TENM4: variants seen among roughly 807,000 people sequenced by gnomAD.
TENM4 encodes teneurin transmembrane protein 4.
A neutral mutation model predicts 243.3 loss-of-function variants in TENM4; 82 were observed. The observed-to-expected ratio is 0.34, with a 90% CI of 0.28 to 0.40. TENM4 has a LOEUF of 0.40. Among genes scored for constraint, TENM4 ranks in the 10% least tolerant of loss-of-function variants. The pLI, the probability that TENM4 is intolerant of heterozygous loss-of-function variation, is 1.00. For synonymous variants in TENM4, 1,412 were observed against 1,456.3 expected, an observed-to-expected ratio of 0.97 and a Z score of 0.69; for missense variants, 3,138 against 3,673.3, an observed-to-expected ratio of 0.85 and a Z score of 3.77.
chr11:78,660,070 C>A (rs528555244), intron 33 of TENM4, among the ~76,000 whole-genome samples: 4 of 152,276 alleles, frequency 2.6e-5, no homozygotes, highest in Admixed American at 2.6e-4. Flanking sequence ...AGTCAGAGAC[C>A]GGGGCTCTCT....
intron 6 of TENM4, among the ~76,000 whole-genome samples, chr11:79,060,904 G>A (rs1860068990): frequency 1.3e-5 from 2 of 152,184 alleles, no homozygotes; most frequent in South Asian, 2.1e-4. Flanking sequence ...GTGGAACTGA[G>A]CCCTGTTCTG....
In TENM4 at chr11:79,079,528, T is replaced by G. The variant is rs534112902; in HGVS notation, c.-65-9519A>C. ...TTCCCTTTGACAAATGGTGGCATCT[T>G]AGAGTCAGAAAATGTGTTAGGCTGG... On this transcript the variant is annotated intron_variant, in intron 4 of 33. Coordinates refer to ENST00000278550, the MANE Select transcript of TENM4 (RefSeq NM_001098816.3). Among the ~76,000 whole-genome samples the G allele has an allele frequency of 5.3e-5, 8 of 152,282 alleles. No individual in the cohort carries two copies. The South Asian group carries it at 1.7e-3, about 32-fold the overall frequency.
intron 7 of TENM4, among the ~76,000 whole-genome samples, chr11:78,895,107 G>A (rs1164173381): frequency 2.6e-5 from 4 of 151,876 alleles, no homozygotes; most frequent in Non-Finnish European, 1.5e-5. Flanking sequence ...ACTTTGGGAG[G>A]CCAAGGCAGG....
At chr11:78,763,416 C>A (rs1381120728) in intron 18 of TENM4, among the ~76,000 whole-genome samples, 1 of 152,174 alleles carries the variant, frequency 6.6e-6, no homozygotes, top group Non-Finnish European at 1.5e-5. Context: ...CATCTGGGGG[C>A]ACTCAATGAA....
Position 78,782,440 on chromosome 11 carries a change from C to A in TENM4, c.2366-3812G>T, listed in dbSNP as rs1856856615. Among the ~76,000 whole-genome samples, 7 of 151,548 alleles carry A rather than the reference C, an allele frequency of 4.6e-5. No homozygotes were observed. In the South Asian group the frequency reaches 1.5e-3, roughly 32 times the overall value. ...TGGAGAAACTCTGTCTCTACTAAAACTACAAAATTAGCCAGGTGTGGTGGC... is the reference window on the plus strand; with the variant it reads ...TGGAGAAACTCTGTCTCTACTAAAAATACAAAATTAGCCAGGTGTGGTGGC... On this transcript the variant is annotated intron_variant, in intron 16 of 33. Coordinates refer to ENST00000278550, the MANE Select transcript of TENM4 (RefSeq NM_001098816.3).
Position 78,676,337 on chromosome 11 carries a change from G to A in TENM4, c.5311C>T (p.Leu1771=). ...YIGADGSLRL[L]LANGMEVALQ... Reference sequence around the variant, plus strand: ...GCCACCTCCATGCCGTTGGCCAGCAGCAGCCGCAAGGAGCCATCGGCCCCG... The same window carrying A: ...GCCACCTCCATGCCGTTGGCCAGCAACAGCCGCAAGGAGCCATCGGCCCCG... Residue 1771 remains leucine, a synonymous_variant, in exon 30 of 34, where the codon CTG becomes TTG. Coordinates refer to ENST00000278550, the MANE Select transcript of TENM4 (RefSeq NM_001098816.3). The A allele has an allele frequency of 1.2e-6, 2 of 1,609,862 alleles. No individual in the cohort carries two copies. The highest frequency in any genetic ancestry group is 1.7e-6 in the Non-Finnish European group (2 of 1,176,674).
At position 78,722,792 on chromosome 11, in the gene TENM4, C is replaced by A; in HGVS notation, c.3676G>T (p.Gly1226Cys). 1 of 1,614,062 alleles carries A rather than the reference C, an allele frequency of 6.2e-7. No homozygotes were observed. The highest frequency in any genetic ancestry group is 8.5e-7 in the Non-Finnish European group (1 of 1,179,898). Residue 1226 changes from glycine (G) to cysteine (C), a missense_variant, in exon 24 of 34, where the codon GGC becomes TGC. Gly to Cys is a radical substitution (Grantham distance 159). Transcript: ENST00000278550. ...SCPSCNGLAD[G>C]NKLLAPVALT... ...GCCACTGGGGCCAGGAGCTTGTTGC[C>A]GTCAGCAAGGCCGTTGCAGCTGGGG...
chr11:78,991,760 G>C (rs1448661671), intron 6 of TENM4, among the ~76,000 whole-genome samples: 2 of 152,098 alleles, frequency 1.3e-5, no homozygotes, highest in Admixed American at 1.3e-4. Flanking sequence ...ACTTTGGTAG[G>C]GAATTCACAG....
chr11:79,396,756 C>CA (rs565709665), intron 1 of TENM4, among the ~76,000 whole-genome samples: 9 of 152,196 alleles, frequency 5.9e-5, no homozygotes, highest in Non-Finnish European at 1.3e-4. Flanking sequence ...CTGGGTCTCC[C>CA]AAGACCTCTC....
At chr11:78,814,516 G>T in intron 12 of TENM4, 121 bp from the exon 13 acceptor site, 1 of 730,614 alleles carries the variant, frequency 1.4e-6, no homozygotes, top group Non-Finnish European at 2.3e-6. Flanking sequence ...CCCCGTCACT[G>T]AAAGGAATGA....
chr11:79,275,654 C>T (rs1166014496), intron 2 of TENM4, among the ~76,000 whole-genome samples: 4 of 152,212 alleles, frequency 2.6e-5, no homozygotes, highest in Admixed American at 6.5e-5. Flanking sequence ...GCCCAGTAAC[C>T]GTTTCAAAAC....
intron 6 of TENM4, among the ~76,000 whole-genome samples, chr11:79,020,589 T>C (rs1397691489): frequency 6.7e-6 from 1 of 148,450 alleles, no homozygotes; most frequent in Non-Finnish European, 1.5e-5. Flanking sequence ...CTTTAAACCC[T>C]GGAATGTAAA....
intron 3 of TENM4, among the ~76,000 whole-genome samples, chr11:79,155,894 C>T (rs1862604612): frequency 6.6e-6 from 1 of 151,870 alleles, no homozygotes; most frequent in Non-Finnish European, 1.5e-5. Context: ...TGACTGGGTT[C>T]CTTGACCCTC....
chr11:79,356,129 G>A (rs1317174622), intron 1 of TENM4, among the ~76,000 whole-genome samples: 1 of 152,164 alleles, frequency 6.6e-6, no homozygotes, highest in Non-Finnish European at 1.5e-5. Flanking sequence ...AGGTGTAGGT[G>A]CCCATCAGCA....
intron 1 of TENM4, among the ~76,000 whole-genome samples, chr11:79,404,350 A>G (rs1858523835): frequency 6.6e-6 from 1 of 152,262 alleles, no homozygotes. Flanking sequence ...AATGAGCACA[A>G]CTAAGAAAAC....
chr11:78,851,657 A>G (rs1014362919), intron 12 of TENM4, among the ~76,000 whole-genome samples: 1 of 152,192 alleles, frequency 6.6e-6, no homozygotes, highest in Non-Finnish European at 1.5e-5. Flanking sequence ...TAACTCAAGC[A>G]CCACCACGAC....
intron 6 of TENM4, among the ~76,000 whole-genome samples, chr11:79,041,785 G>A (rs909074931): frequency 4.6e-5 from 7 of 152,204 alleles, no homozygotes; most frequent in Non-Finnish European, 8.8e-5. Flanking sequence ...TACTATTTAT[G>A]TTGTCACAAG....
intron 3 of TENM4, among the ~76,000 whole-genome samples, chr11:79,174,065 T>G (rs1271625362): frequency 2.0e-5 from 3 of 152,224 alleles, no homozygotes; most frequent in East Asian, 3.8e-4. Context: ...AAAAAACCCA[T>G]CTCTTAAGCT....
chr11:78,932,018 T>C (rs1346006219), intron 6 of TENM4, among the ~76,000 whole-genome samples: 2 of 152,138 alleles, frequency 1.3e-5, no homozygotes, highest in Non-Finnish European at 2.9e-5. Flanking sequence ...AAGGTAGTAA[T>C]GGCTACTTCA....
Sources: allele counts gnomAD v4.1 joint callset (sites outside exome capture counted in the v4.1 genomes callset), GRCh38; gene constraint gnomAD v4.1.1; transcripts MANE v1.5; gene names NCBI Gene and HGNC (gene_info 2026-07-23, HGNC 2026-07-21).